TMEM117: variants seen among roughly 807,000 people sequenced by gnomAD.
TMEM117 encodes the protein transmembrane protein 117.
A neutral mutation model predicts 52.4 loss-of-function variants in TMEM117; 27 were observed. The ratio of observed to expected loss-of-function variants is 0.51; its 90% CI spans 0.38 to 0.71. TMEM117 has a LOEUF of 0.71. TMEM117 is among the 30% of genes least tolerant of loss of function. The probability of loss-of-function intolerance (pLI) is 0.00; values close to 1 mark genes in which losing one functional copy is unlikely to be tolerated. For missense variants in TMEM117, 556 were observed against 630.5 expected (o/e 0.88, Z 1.26); for synonymous variants, 215 against 206.3 (o/e 1.04, Z -0.36).
chr12:43,822,844 A>C, the TMEM117 span, among the ~76,000 whole-genome samples: 1 of 151,990 alleles, frequency 6.6e-6, no homozygotes, highest in South Asian at 2.1e-4. Context: ...TTGCATTGCA[A>C]TGAGAAGAGA....
At chr12:43,934,705 A>T (rs917876701) in intron 2 of TMEM117, among the ~76,000 whole-genome samples, 2 of 152,158 alleles carry the variant, frequency 1.3e-5, no homozygotes, top group South Asian at 2.1e-4. Flanking sequence ...AAATTCAGTG[A>T]ATAGCCGACA....
chr12:43,824,800 G>A, the TMEM117 span, among the ~76,000 whole-genome samples: 1 of 152,150 alleles, frequency 6.6e-6, no homozygotes, highest in African/African-American at 2.4e-5. Context: ...ATGGTGGCGG[G>A]TGCCTGTAGT....
chr12:44,359,208 C>CA (rs532813158), intron 6 of TMEM117, among the ~76,000 whole-genome samples: 117 of 124,790 alleles, frequency 9.4e-4, no homozygotes, highest in Middle Eastern at 5.4e-3. Context: ...AGATTTAAGG[C>CA]AAAAAAAAAA....
At chr12:43,999,823 A>G (rs1191426101) in intron 3 of TMEM117, among the ~76,000 whole-genome samples, 1 of 152,132 alleles carries the variant, frequency 6.6e-6, no homozygotes, top group Non-Finnish European at 1.5e-5. Flanking sequence ...ATTAGTTCAT[A>G]CCATGAATTA....
chr12:43,818,978 G>A, the TMEM117 span, among the ~76,000 whole-genome samples: 3 of 152,128 alleles, frequency 2.0e-5, no homozygotes, highest in South Asian at 2.1e-4. Flanking sequence ...TAACAAAACC[G>A]ATAGGGTTCC....
intron 3 of TMEM117, among the ~76,000 whole-genome samples, chr12:43,977,663 A>G (rs958497766): frequency 6.6e-6 from 1 of 152,226 alleles, no homozygotes; most frequent in Non-Finnish European, 1.5e-5. Flanking sequence ...TTTTCTGAGC[A>G]TATTTTTAAG....
intron 2 of TMEM117, among the ~76,000 whole-genome samples, chr12:43,867,387 ATAT>A (rs1943621226): frequency 6.6e-6 from 1 of 152,228 alleles, no homozygotes; most frequent in South Asian, 2.1e-4. Context: ...TAATAAAATA[ATAT>A]TATGCCAAAA....
At chr12:44,026,829 A>G (rs1042403419) in intron 3 of TMEM117, among the ~76,000 whole-genome samples, 10 of 151,992 alleles carry the variant, frequency 6.6e-5, no homozygotes. Flanking sequence ...CTGTTTGTAT[A>G]TATCCTTAAA....
rs541611438 is a variant in TMEM117 at position 44,283,100 on chromosome 12, A to G, written c.609-16480A>G. On this transcript the variant is annotated intron_variant, in intron 5 of 7. Coordinates refer to ENST00000266534, the MANE Select transcript of TMEM117 (RefSeq NM_032256.3). The stretch of plus-strand genomic sequence containing the variant: ...TGGGAAACTCCGCCTAGATTTCAGA[A>G]GATGTATGGAAATGCCTGGATTCCC... Among the ~76,000 whole-genome samples, 11 of 152,362 alleles carry G rather than the reference A, an allele frequency of 7.2e-5. No homozygotes were observed. The South Asian group carries it at 2.3e-3, about 32-fold the overall frequency.
chr12:44,160,197 C>T (rs1230475268), intron 4 of TMEM117, among the ~76,000 whole-genome samples: 9 of 151,994 alleles, frequency 5.9e-5, no homozygotes, highest in Non-Finnish European at 1.3e-4. Flanking sequence ...CCTTTTAGAT[C>T]GCCAAGTCAA....
At chr12:43,818,675 C>T in the TMEM117 span, among the ~76,000 whole-genome samples, 2 of 152,130 alleles carry the variant, frequency 1.3e-5, no homozygotes, top group African/African-American at 2.4e-5. Flanking sequence ...GATCTCTTGA[C>T]CTCGTGATCC....
intron 4 of TMEM117, among the ~76,000 whole-genome samples, chr12:44,174,832 A>G (rs7954216): frequency 0.1 from 15,962 of 152,222 alleles, 955 homozygotes; most frequent in Middle Eastern, 0.2. Context: ...TAAAAGAAGG[A>G]GGTCAAGTAA....
At chr12:44,183,765 C>T (rs1247956119) in intron 4 of TMEM117, among the ~76,000 whole-genome samples, 1 of 152,108 alleles carries the variant, frequency 6.6e-6, no homozygotes, top group Admixed American at 6.6e-5. Context: ...ACTGCATGTT[C>T]GGCCTGGGTG....
At chr12:44,004,703 G>C (rs1023315626) in intron 3 of TMEM117, among the ~76,000 whole-genome samples, 2 of 152,014 alleles carry the variant, frequency 1.3e-5, no homozygotes, top group African/African-American at 4.8e-5. Context: ...ATGCACCTAA[G>C]AGCATAAATA....
chr12:44,350,655 A>C (rs1951550193), intron 6 of TMEM117, among the ~76,000 whole-genome samples: 1 of 151,892 alleles, frequency 6.6e-6, no homozygotes, highest in African/African-American at 2.4e-5. Context: ...CACTTAACAT[A>C]ATGACCCCCA....
chr12:44,101,299 G>T (rs977453038), intron 3 of TMEM117, among the ~76,000 whole-genome samples: 1 of 151,816 alleles, frequency 6.6e-6, no homozygotes. Flanking sequence ...TGGTGCCTTC[G>T]AGTGACACAA....
rs1389149970 is a variant in TMEM117 at position 44,369,529 on chromosome 12, T to C, written c.769-7066T>C. Among the ~76,000 whole-genome samples the C allele has an allele frequency of 2.6e-5, 4 of 152,158 alleles. No individual in the cohort carries two copies. In the East Asian group the frequency reaches 7.7e-4, roughly 29 times the overall value. ...GAAAATTCATATTGGCCTTTGCAAG[T>C]AAGAAAAATGATTGATGAATAAAAG... On this transcript the variant is annotated intron_variant, in intron 6 of 7. Coordinates refer to ENST00000266534, the MANE Select transcript of TMEM117 (RefSeq NM_032256.3).
At chr12:43,875,106 G>A (rs528481649) in intron 2 of TMEM117, among the ~76,000 whole-genome samples, 16 of 152,202 alleles carry the variant, frequency 1.1e-4, no homozygotes, top group South Asian at 4.1e-4. Flanking sequence ...GATACAAGTC[G>A]CCCAAAATTA....
chr12:43,885,566 G>T (rs539995993), intron 2 of TMEM117, among the ~76,000 whole-genome samples: 2 of 151,868 alleles, frequency 1.3e-5, no homozygotes, highest in African/African-American at 2.4e-5. Flanking sequence ...ATTTTGAGAT[G>T]ACTACTGTTA....
Sources: gnomAD v4.1 joint callset for allele counts (sites outside exome capture counted in the v4.1 genomes callset) on GRCh38, gnomAD v4.1.1 for gene constraint, MANE v1.5 for transcripts, NCBI Gene and HGNC (gene_info 2026-07-23, HGNC 2026-07-21) for gene names.